Variants in MAF observed in about 807,000 individuals in gnomAD.
MAF encodes MAF bZIP transcription factor.
Under a neutral mutation model 22.0 loss-of-function variants are expected in MAF, and 10 were observed. The observed-to-expected ratio is 0.45, with a 90% CI of 0.28 to 0.77. The LOEUF (loss-of-function observed/expected upper bound fraction) is 0.77, where lower values mean the gene tolerates loss of function less well. MAF is among the 30% of genes least tolerant of loss of function. The probability of loss-of-function intolerance (pLI) is 0.12; values close to 1 mark genes in which losing one functional copy is unlikely to be tolerated. For missense variants in MAF, 544 were observed against 548.4 expected (o/e 0.99, Z 0.08); for synonymous variants, 337 against 255.8 (o/e 1.32, Z -3.03).
At chr16:79,278,531 G>A in the MAF span, among the ~76,000 whole-genome samples, 1 of 152,174 alleles carries the variant, frequency 6.6e-6, no homozygotes, top group Admixed American at 6.5e-5. Flanking sequence ...CTTGTGTACA[G>A]AACGAAGAGG....
the MAF span, among the ~76,000 whole-genome samples, chr16:79,307,396 G>A: frequency 2.0e-5 from 3 of 152,196 alleles, no homozygotes; most frequent in African/African-American, 7.2e-5. Flanking sequence ...CTGGGCATGA[G>A]CTCACGGGCT....
the MAF span, among the ~76,000 whole-genome samples, chr16:79,397,017 C>G: frequency 2.0e-5 from 3 of 152,334 alleles, no homozygotes; most frequent in African/African-American, 4.8e-5. Flanking sequence ...CATTTATTAC[C>G]TTCTCTGAAG....
At chr16:79,344,337 G>C in the MAF span, among the ~76,000 whole-genome samples, 2 of 152,226 alleles carry the variant, frequency 1.3e-5, no homozygotes. Flanking sequence ...CATTCTTCAA[G>C]ATCGGGGCTT....
the MAF span, among the ~76,000 whole-genome samples, chr16:79,444,404 C>T: frequency 6.6e-5 from 10 of 152,008 alleles, no homozygotes; most frequent in Admixed American, 2.6e-4. Context: ...ATTTTATAGT[C>T]GGACAGGTAC....
the MAF span, among the ~76,000 whole-genome samples, chr16:79,489,854 A>G: frequency 1.8e-3 from 278 of 151,964 alleles, no homozygotes; most frequent in Non-Finnish European, 2.9e-3. Flanking sequence ...TCTAACGGTG[A>G]CTCTGGGCAG....
the MAF span, among the ~76,000 whole-genome samples, chr16:79,459,724 C>A: frequency 6.6e-6 from 1 of 152,024 alleles, no homozygotes; most frequent in Non-Finnish European, 1.5e-5. Context: ...AGGTGCGCAC[C>A]ACCATGCCTG....
At chr16:79,523,640 G>A in the MAF span, among the ~76,000 whole-genome samples, 109 of 152,300 alleles carry the variant, frequency 7.2e-4, no homozygotes, top group African/African-American at 2.5e-3. Flanking sequence ...GAGATAAGCT[G>A]ATTCTGGAGA....
the MAF span, among the ~76,000 whole-genome samples, chr16:79,335,162 C>T: frequency 7.9e-5 from 11 of 138,774 alleles, no homozygotes; most frequent in Non-Finnish European, 1.1e-4. Flanking sequence ...TCCAGCCTGG[C>T]GACAGAGCGA....
At chr16:79,345,757 C>CAAA in the MAF span, among the ~76,000 whole-genome samples, 150 of 116,806 alleles carry the variant, frequency 1.3e-3, 2 homozygotes, top group Non-Finnish European at 2.0e-3. Flanking sequence ...AAAAAAAAAT[C>CAAA]TTTAACTTGC....
At chr16:79,259,000 C>T in the MAF span, among the ~76,000 whole-genome samples, 1 of 152,102 alleles carries the variant, frequency 6.6e-6, no homozygotes, top group Non-Finnish European at 1.5e-5. Context: ...GAAGGGAGAT[C>T]CCCCCCATCC....
chr16:79,278,759 C>T, the MAF span, among the ~76,000 whole-genome samples: 2 of 152,072 alleles, frequency 1.3e-5, no homozygotes, highest in Non-Finnish European at 2.9e-5. Flanking sequence ...CAAACAGGGA[C>T]CCGCCCTGAC....
At chr16:79,209,060 A>G in the MAF span, among the ~76,000 whole-genome samples, 3 of 152,248 alleles carry the variant, frequency 2.0e-5, no homozygotes, top group Non-Finnish European at 4.4e-5. Flanking sequence ...CTACAAAGCC[A>G]GAGCCACTTG....
the MAF span, among the ~76,000 whole-genome samples, chr16:79,522,463 G>A: frequency 4.6e-5 from 7 of 152,160 alleles, no homozygotes; most frequent in Non-Finnish European, 2.9e-5. Context: ...CAAGTTGAAG[G>A]AATAACTATC....
At chr16:79,426,789 T>C in the MAF span, among the ~76,000 whole-genome samples, 5 of 152,254 alleles carry the variant, frequency 3.3e-5, no homozygotes, top group African/African-American at 1.2e-4. Flanking sequence ...AGGGTGGTTT[T>C]TCCCTCTGGG....
At chr16:79,411,954 C>T in the MAF span, among the ~76,000 whole-genome samples, 1 of 152,150 alleles carries the variant, frequency 6.6e-6, no homozygotes, top group African/African-American at 2.4e-5. Context: ...GGTATGAAAG[C>T]TCCATAAGTG....
At chr16:79,326,956 C>T in the MAF span, among the ~76,000 whole-genome samples, 1 of 152,132 alleles carries the variant, frequency 6.6e-6, no homozygotes, top group African/African-American at 2.4e-5. Context: ...GATTTTGGTC[C>T]TGAGGCTGAG....
At chr16:79,402,838 G>C in the MAF span, among the ~76,000 whole-genome samples, 1 of 152,182 alleles carries the variant, frequency 6.6e-6, no homozygotes, top group East Asian at 1.9e-4. Context: ...GTGTCCATGG[G>C]GGAAGTTCCA....
At chr16:79,435,155 C>T in the MAF span, among the ~76,000 whole-genome samples, 2 of 152,136 alleles carry the variant, frequency 1.3e-5, no homozygotes, top group African/African-American at 4.8e-5. Flanking sequence ...ACGCAGTACA[C>T]CTATACCTAT....
the MAF span, among the ~76,000 whole-genome samples, chr16:79,392,740 C>G: frequency 2.0e-5 from 3 of 152,142 alleles, no homozygotes; most frequent in Non-Finnish European, 4.4e-5. Context: ...GAGTAGGTAG[C>G]CCAGTAGGAC....
Sources: allele counts gnomAD v4.1 joint callset (sites outside exome capture counted in the v4.1 genomes callset), GRCh38; gene constraint gnomAD v4.1.1; transcripts MANE v1.5; gene names NCBI Gene and HGNC (gene_info 2026-07-23, HGNC 2026-07-21).